The following PCDHA8 variants were observed in gnomAD, a reference collection of about 807,000 sequenced individuals.
PCDHA8 encodes protocadherin alpha 8, also known as protocadherin alpha-8.
PCDHA8 carries 53 observed loss-of-function variants against 61.8 expected under a neutral mutation model. The observed-to-expected ratio is 0.86, with a 90% CI of 0.69 to 1.08. PCDHA8 has a LOEUF of 1.08. PCDHA8 is among the 50% of genes least tolerant of loss of function. The probability of loss-of-function intolerance (pLI) is 0.00; values close to 1 mark genes in which losing one functional copy is unlikely to be tolerated. For missense variants in PCDHA8, 1,293 were observed against 1,245.0 expected (o/e 1.04, Z -0.58); for synonymous variants, 618 against 556.6 (o/e 1.11, Z -1.55).
intron 1 of PCDHA8, among the ~76,000 whole-genome samples, chr5:140,960,338 G>A (rs2095541394): frequency 6.6e-6 from 1 of 152,172 alleles, no homozygotes; most frequent in Admixed American, 6.5e-5. Context: ...AGTACATGAG[G>A]TGAGATATGT....
In PCDHA8 at chr5:140,876,987, G is replaced by C. The variant is rs782251799; in HGVS notation, c.2394+33272G>C. 11 of 1,612,658 alleles carry C rather than the reference G, an allele frequency of 6.8e-6. No homozygotes were observed. The South Asian group carries it at 9.9e-5, about 14-fold the overall frequency. ...GGCGGGTGGGCGAGCACGCACTGTC[G>C]AGCTACGTGTCGGTGCACGCGGAGA... On this transcript the variant is annotated intron_variant, in intron 1 of 3. Coordinates refer to ENST00000531613, the MANE Select transcript of PCDHA8 (RefSeq NM_018911.3).
intron 1 of PCDHA8, chr5:140,930,304 A>G (rs1554207720): frequency 6.6e-6 from 1 of 152,236 alleles, no homozygotes. Flanking sequence ...ATAAGTAAAT[A>G]TCATATTTGA....
In PCDHA8 at chr5:140,843,928, G is replaced by A. The variant is rs1028169690; in HGVS notation, c.2394+213G>A. 7.7e-5 allele frequency: 45 copies of A among 584,434 alleles called. 4 individuals carry two copies. The highest frequency in any genetic ancestry group is 1.3e-4 in the Non-Finnish European group (44 of 335,490). The allele number at this position is 584,434 out of a possible 1,614,324, so 36.2% of individuals were successfully genotyped here. ...AAGTTGGGTCTATCTTGAAACTCAA[G>A]TTATGGTTGGATGATATCCATTTTT... On this transcript the variant is annotated intron_variant, in intron 1 of 3. Coordinates refer to ENST00000531613, the MANE Select transcript of PCDHA8 (RefSeq NM_018911.3).
chr5:140,928,109 A>G (rs1472439079), intron 1 of PCDHA8: 1 of 1,614,104 alleles, frequency 6.2e-7, no homozygotes, highest in Middle Eastern at 1.6e-4. Flanking sequence ...CTGGACCGGG[A>G]GCAGATCAGT....
rs2098415057 is a variant in PCDHA8, at chr5:141,009,865, A to G, written c.2781A>G (p.Lys927=). ...AGGAGGAGACCAAGAAAAAGAAGAAAAAGAAGAAGGGTAACAAGACCCAGG... is the reference window on the plus strand; with the variant it reads ...AGGAGGAGACCAAGAAAAAGAAGAAGAAGAAGAAGGGTAACAAGACCCAGG... ...GKKEETKKKK[K]KKKGNKTQEK... The change falls in exon 4 of 4, where the codon AAA becomes AAG. Residue 927 remains lysine, a synonymous_variant. Transcript: ENST00000531613. The G allele has an allele frequency of 6.2e-7, 1 of 1,614,076 alleles. No homozygotes were observed.
In PCDHA8 at chr5:140,856,245, C is replaced by T. The variant is rs782062442; in HGVS notation, c.2394+12530C>T. 5.5e-5 allele frequency: 88 copies of T among 1,597,902 alleles called. 5 individuals are homozygous for T. The South Asian group carries it at 8.8e-4, about 16-fold the overall frequency. On this transcript the variant is annotated intron_variant, in intron 1 of 3. Coordinates refer to ENST00000531613, the MANE Select transcript of PCDHA8 (RefSeq NM_018911.3). ...CTGGTGCAGCGCCTGTTCCGGGTGGCGTCCAAAAGACACGGGGACCTTCTG... is the reference window on the plus strand; with the variant it reads ...CTGGTGCAGCGCCTGTTCCGGGTGGTGTCCAAAAGACACGGGGACCTTCTG...
intron 1 of PCDHA8, among the ~76,000 whole-genome samples, chr5:140,881,178 G>A (rs924852150): frequency 2.0e-5 from 3 of 152,098 alleles, no homozygotes; most frequent in African/African-American, 7.2e-5. Flanking sequence ...TCTTTTCCTT[G>A]CTAAAGATAT....
At chr5:140,912,674 A>G (rs184432134) in intron 1 of PCDHA8, among the ~76,000 whole-genome samples, 14 of 152,238 alleles carry the variant, frequency 9.2e-5, no homozygotes, top group Admixed American at 7.2e-4. Flanking sequence ...GGCATCCTTG[A>G]CTTATTCCAG....
intron 1 of PCDHA8, among the ~76,000 whole-genome samples, chr5:140,892,332 T>A (rs552266223): frequency 6.6e-6 from 1 of 152,274 alleles, no homozygotes; most frequent in African/African-American, 2.4e-5. Context: ...TTCTCCAGAA[T>A]GGATTTTAAT....
chr5:140,965,976 G>A (rs2095953776), intron 1 of PCDHA8, among the ~76,000 whole-genome samples: 1 of 152,154 alleles, frequency 6.6e-6, no homozygotes, highest in Non-Finnish European at 1.5e-5. Context: ...CCTAGGAGTT[G>A]AGCACTTTCT....
chr5:140,985,643 A>C (rs564908892), intron 3 of PCDHA8, among the ~76,000 whole-genome samples: 10 of 151,298 alleles, frequency 6.6e-5, no homozygotes, highest in African/African-American at 1.9e-4. Context: ...TCATCCCAAC[A>C]CTTGCAATGG....
At chr5:140,921,663 T>G (rs1427342485) in intron 1 of PCDHA8, among the ~76,000 whole-genome samples, 1 of 152,144 alleles carries the variant, frequency 6.6e-6, no homozygotes, top group Admixed American at 6.5e-5. Flanking sequence ...TAATAAAAAT[T>G]TAACAGTTAT....
At chr5:140,954,406 G>A (rs556455987) in intron 1 of PCDHA8, among the ~76,000 whole-genome samples, 2 of 152,268 alleles carry the variant, frequency 1.3e-5, no homozygotes, top group East Asian at 3.9e-4. Flanking sequence ...CACCAACAGG[G>A]TAAAGGTGTT....
At chr5:140,967,803 C>T (rs1042188546) in intron 1 of PCDHA8, 3 of 1,614,066 alleles carry the variant, frequency 1.9e-6, no homozygotes, top group Admixed American at 3.3e-5. Flanking sequence ...GTGCCCATGG[C>T]AGGTCACTGC....
rs542875982 is a variant in PCDHA8 at position 140,939,696 on chromosome 5, T to C, written c.2395-39253T>C. On this transcript the variant is annotated intron_variant, in intron 1 of 3. Coordinates refer to ENST00000531613, the MANE Select transcript of PCDHA8 (RefSeq NM_018911.3). Reference sequence around the variant, plus strand: ...TATGTATGTGTGTGTTGCTGGACATTATCATTTGTGAGATACATTTATATT... The same window carrying C: ...TATGTATGTGTGTGTTGCTGGACATCATCATTTGTGAGATACATTTATATT... Among the ~76,000 whole-genome samples the C allele has an allele frequency of 1.6e-4, 24 of 152,340 alleles. No homozygotes were observed. The East Asian group carries it at 2.7e-3, about 17-fold the overall frequency.
Position 140,857,830 on chromosome 5 carries a change from C to T in PCDHA8, c.2394+14115C>T, listed in dbSNP as rs782060681. ...CGGGTCACGTGGTGGCTAAGGTGCG[C>T]GCAGTGGACGCTGACTCTGGATACA... On this transcript the variant is annotated intron_variant, in intron 1 of 3. Coordinates refer to ENST00000531613, the MANE Select transcript of PCDHA8 (RefSeq NM_018911.3). The T allele has an allele frequency of 3.1e-6, 5 of 1,597,596 alleles. 1 individual carries two copies. Among genetic ancestry groups the T allele is most frequent in the African/African-American group, 2.7e-5 (2 of 74,244 alleles).
In PCDHA8 at chr5:140,842,412, A is replaced by T; in HGVS notation, c.1091A>T (p.Gln364Leu). 1 of 1,613,004 alleles carries T rather than the reference A, an allele frequency of 6.2e-7. No individual in the cohort carries two copies. Among genetic ancestry groups the T allele is most frequent in the East Asian group, 2.2e-5 (1 of 44,870 alleles). ...TCCTTGCCTGTACGTGAAGACGCTC[A>T]ATTTGGTACTGTCATCGCCCTAATT... is the stretch of plus-strand genomic sequence containing the variant. ...SLSLPVREDA[Q>L]FGTVIALISV... The change falls in exon 1 of 4, where the codon CAA (glutamine) becomes CTA (leucine). Residue 364 changes from glutamine (Q) to leucine (L), a missense_variant. By Grantham distance (113) the Gln-to-Leu change is moderately radical (BLOSUM62 -2). Transcript: ENST00000531613.
At chr5:141,006,085 C>T (rs1588120524) in intron 3 of PCDHA8, among the ~76,000 whole-genome samples, 1 of 148,094 alleles carries the variant, frequency 6.8e-6, no homozygotes, top group African/African-American at 2.5e-5. Context: ...ATTGAAGGGA[C>T]TTATGTATCA....
intron 1 of PCDHA8, among the ~76,000 whole-genome samples, chr5:140,962,815 A>C (rs782313534): frequency 3.3e-5 from 5 of 152,242 alleles, no homozygotes; most frequent in Non-Finnish European, 7.3e-5. Flanking sequence ...AACATCAGAG[A>C]TGACCATTTG....
Sources: allele counts gnomAD v4.1 joint callset (sites outside exome capture counted in the v4.1 genomes callset), GRCh38; gene constraint gnomAD v4.1.1; transcripts MANE v1.5; gene names NCBI Gene and HGNC (gene_info 2026-07-23, HGNC 2026-07-21).